The following DGKG variants were observed in gnomAD, a reference collection of about 807,000 sequenced individuals.
The protein encoded by DGKG is diacylglycerol kinase gamma.
A neutral mutation model predicts 105.3 loss-of-function variants in DGKG; 78 were observed. That is an observed-to-expected ratio of 0.74 (90% CI 0.62 to 0.89). The LOEUF is 0.89. Among genes scored for constraint, DGKG ranks in the 40% least tolerant of loss-of-function variants. The probability of loss-of-function intolerance (pLI) is 0.00; values close to 1 mark genes in which losing one functional copy is unlikely to be tolerated. For missense variants in DGKG, 958 were observed against 1,020.1 expected (o/e 0.94, Z 0.83); for synonymous variants, 346 against 367.1 (o/e 0.94, Z 0.66).
rs1715550529 is a variant in DGKG, at chr3:186,147,308, G to A, written c.*2782C>T. 2 of 985,762 alleles carry A rather than the reference G, an allele frequency of 2.0e-6. No homozygotes were observed. The highest frequency in any genetic ancestry group is 9.4e-5 in the South Asian group (2 of 21,278). The allele number at this position is 985,762 out of a possible 1,614,324, so 61.1% of individuals were successfully genotyped here. ...GAATAAGATAAGAAATAAGGGATTA[G>A]GTTCTCCCCTGACTAACCATGTGGC... On this transcript the variant is annotated 3_prime_UTR_variant, in exon 25 of 25. Transcript: ENST00000265022.
At chr3:186,257,557 C>G (rs555440159) in intron 17 of DGKG, among the ~76,000 whole-genome samples, 25 of 152,296 alleles carry the variant, frequency 1.6e-4, no homozygotes, top group African/African-American at 5.5e-4. Flanking sequence ...TGTCCTCCCA[C>G]CCCCCAAATC....
intron 14 of DGKG, among the ~76,000 whole-genome samples, chr3:186,263,545 A>T (rs898017261): frequency 6.6e-6 from 1 of 151,990 alleles, no homozygotes; most frequent in Non-Finnish European, 1.5e-5. Flanking sequence ...CCAGCCTGGG[A>T]GACAAGAGCG....
intron 11 of DGKG, among the ~76,000 whole-genome samples, chr3:186,270,162 G>A (rs1318142999): frequency 6.6e-6 from 1 of 152,028 alleles, no homozygotes; most frequent in African/African-American, 2.4e-5. Context: ...GTCTCACTCT[G>A]TCGCCCAGGC....
At chr3:186,351,001 T>C (rs2108673067) in intron 1 of DGKG, among the ~76,000 whole-genome samples, 1 of 152,358 alleles carries the variant, frequency 6.6e-6, no homozygotes, top group South Asian at 2.1e-4. Flanking sequence ...TTTAATTCTT[T>C]TTCAGATATG....
chr3:186,289,632 C>T (rs1263790640), intron 5 of DGKG, among the ~76,000 whole-genome samples: 3 of 152,102 alleles, frequency 2.0e-5, no homozygotes, highest in Admixed American at 2.0e-4. Context: ...TGCTGTCTTC[C>T]GTCTCTACCT....
At chr3:186,321,210 G>T (rs1169075308) in intron 1 of DGKG, among the ~76,000 whole-genome samples, 1 of 152,198 alleles carries the variant, frequency 6.6e-6, no homozygotes. Flanking sequence ...TGGGCTGCTG[G>T]CCTCAATGAG....
intron 13 of DGKG, among the ~76,000 whole-genome samples, chr3:186,266,228 A>G (rs1425016799): frequency 6.6e-6 from 1 of 152,210 alleles, no homozygotes; most frequent in Non-Finnish European, 1.5e-5. Context: ...ATGGATTCAT[A>G]GAGCATATCT....
At chr3:186,259,420 TTCTGA>T (rs1211250052) in intron 16 of DGKG, among the ~76,000 whole-genome samples, 1 of 152,198 alleles carries the variant, frequency 6.6e-6, no homozygotes, top group African/African-American at 2.4e-5. Context: ...GTGGGCTCTG[TTCTGA>T]AATTACTTTT....
chr3:186,195,174 A>G (rs545435894), intron 21 of DGKG, among the ~76,000 whole-genome samples: 1 of 152,278 alleles, frequency 6.6e-6, no homozygotes, highest in East Asian at 1.9e-4. Flanking sequence ...CGTGTACCCC[A>G]AAACCCAGTC....
Position 186,299,767 on chromosome 3 carries a change from C to CTCTT in DGKG, c.145-1542_145-1539dup, listed in dbSNP as rs56331660. Among the ~76,000 whole-genome samples the CTCTT allele has an allele frequency of 9.1e-3, 865 of 95,502 alleles. 40 individuals carry two copies. Among genetic ancestry groups the CTCTT allele is most frequent in the East Asian group, 0.03 (86 of 2,866 alleles). The allele number at this position is 95,502 out of a possible 152,430, so 62.7% of individuals were successfully genotyped here. ...CTCTCTTTTCTTTTTTTCTTCTTTT[C>CTCTT]TCTTTCTTTCTTTCTTTCTTTCTTT... is the stretch of plus-strand genomic sequence containing the variant. On this transcript the variant is annotated intron_variant, in intron 3 of 24. Coordinates refer to ENST00000265022, the MANE Select transcript of DGKG (RefSeq NM_001346.3).
intron 20 of DGKG, among the ~76,000 whole-genome samples, chr3:186,218,163 A>G (rs1169024792): frequency 6.6e-6 from 1 of 152,102 alleles, no homozygotes; most frequent in Non-Finnish European, 1.5e-5. Flanking sequence ...ATGTGACTTC[A>G]TGAGAGTCAC....
intron 1 of DGKG, among the ~76,000 whole-genome samples, chr3:186,322,571 C>T (rs1460003362): frequency 6.6e-6 from 1 of 152,078 alleles, no homozygotes; most frequent in Non-Finnish European, 1.5e-5. Flanking sequence ...AACCCTTGAA[C>T]CTAAAATAAA....
At chr3:186,194,841 T>G (rs925160988) in intron 21 of DGKG, among the ~76,000 whole-genome samples, 1 of 135,380 alleles carries the variant, frequency 7.4e-6, no homozygotes, top group African/African-American at 2.9e-5. Flanking sequence ...AGGTGGCTCA[T>G]GCCTGTAATC....
intron 1 of DGKG, among the ~76,000 whole-genome samples, chr3:186,357,305 A>C (rs1400903883): frequency 6.6e-6 from 1 of 152,170 alleles, no homozygotes; most frequent in East Asian, 1.9e-4. Flanking sequence ...TCTCTTGGAA[A>C]GCTTTCAAAA....
chr3:186,229,170 G>A (rs1388510049), intron 20 of DGKG, among the ~76,000 whole-genome samples: 2 of 152,016 alleles, frequency 1.3e-5, no homozygotes, highest in Non-Finnish European at 2.9e-5. Context: ...GAAGCAAGGA[G>A]AGAGGCACAG....
chr3:186,311,801 TTA>T (rs1442460487), intron 2 of DGKG, among the ~76,000 whole-genome samples: 5 of 151,992 alleles, frequency 3.3e-5, no homozygotes, highest in African/African-American at 9.7e-5. Context: ...ACCCCAAAGT[TTA>T]TAGTCTGTTG....
At chr3:186,353,615 A>G (rs1218107580) in intron 1 of DGKG, among the ~76,000 whole-genome samples, 3 of 144,892 alleles carry the variant, frequency 2.1e-5, no homozygotes, top group Admixed American at 1.4e-4. Flanking sequence ...ACACATATAT[A>G]TAGACTCTCT....
intron 16 of DGKG, among the ~76,000 whole-genome samples, chr3:186,259,847 C>G (rs927311349): frequency 6.6e-6 from 1 of 152,220 alleles, no homozygotes; most frequent in African/African-American, 2.4e-5. Context: ...CGCCTCCCAC[C>G]AGGCCTCTTT....
At chr3:186,207,552 C>T in intron 21 of DGKG, 2 of 944,744 alleles carry the variant, frequency 2.1e-6, no homozygotes, top group East Asian at 1.2e-4. Flanking sequence ...AACAAAAAGC[C>T]CTGAAAACTT....
Sources: gnomAD v4.1 joint callset for allele counts (sites outside exome capture counted in the v4.1 genomes callset) on GRCh38, gnomAD v4.1.1 for gene constraint, MANE v1.5 for transcripts, NCBI Gene and HGNC (gene_info 2026-07-23, HGNC 2026-07-21) for gene names.